The following YPEL1 variants were observed in gnomAD, a reference collection of about 807,000 sequenced individuals.
YPEL1 encodes protein yippee-like 1.
Under a neutral mutation model 17.3 loss-of-function variants are expected in YPEL1, and 7 were observed. The ratio of observed to expected loss-of-function variants is 0.40; its 90% CI spans 0.23 to 0.76. YPEL1 has a LOEUF of 0.76. Ranked by LOEUF, YPEL1 falls within the 30% of genes least tolerant of loss-of-function variation. YPEL1 has a pLI of 0.35. For synonymous variants in YPEL1, 59 were observed against 59.6 expected (o/e 0.99, Z 0.05); for missense variants, 91 against 155.5 (o/e 0.59, Z 2.21).
Position 21,703,784 on chromosome 22 carries a change from T to C in YPEL1, c.161+55A>G. 1 of 1,586,130 alleles carries C rather than the reference T, an allele frequency of 6.3e-7. No individual in the cohort carries two copies. The highest frequency in any genetic ancestry group is 1.8e-5 in the Admixed American group (1 of 57,098). ...TACACAGGGCACTGTGTAGGTGCCA[T>C]CCAGGCCGTCCCAGGGCCCGTGCCG... is the stretch of plus-strand genomic sequence containing the variant. On this transcript the variant is annotated intron_variant, in intron 3 of 4. Transcript: ENST00000339468. This position sits in a 1 kb window ranked among gnomAD's most constrained non-coding sequence, Gnocchi z 6.1.
intron 1 of YPEL1, among the ~76,000 whole-genome samples, chr22:21,728,738 GGTGGCTCACAC>G (rs2068359576): frequency 6.6e-6 from 1 of 152,114 alleles, no homozygotes; most frequent in African/African-American, 2.4e-5. Context: ...GGCCAGGCGT[GGTGGCTCACAC>G]CTGTAATCCC....
intron 1 of YPEL1, among the ~76,000 whole-genome samples, chr22:21,721,656 T>C (rs996558537): frequency 2.0e-5 from 3 of 152,114 alleles, no homozygotes; most frequent in African/African-American, 7.2e-5. Context: ...ACTCCTGACC[T>C]CAAGTGATCC....
In YPEL1 at chr22:21,698,361, A is replaced by G. The variant is rs1188225046; in HGVS notation, c.*2768T>C. 2.0e-5 allele frequency: 3 copies of G among 152,310 alleles called. No individual in the cohort carries two copies. The highest frequency in any genetic ancestry group is 7.2e-5 in the African/African-American group (3 of 41,432). 9.4% of individuals were successfully genotyped at this position (152,310 alleles called of 1,614,324 possible). A position where few individuals can be genotyped will look rare whatever the true frequency, so the allele number is the denominator to read the frequency against. On this transcript the variant is annotated 3_prime_UTR_variant, in exon 5 of 5. Transcript: ENST00000339468. ...TACAAAAACCAAAGTGCCCAAATAG[A>G]AGGAGCAGCGAACTTGCCCAAAACA...
intron 1 of YPEL1, among the ~76,000 whole-genome samples, chr22:21,729,946 G>A (rs1248958697): frequency 6.6e-6 from 1 of 151,834 alleles, no homozygotes; most frequent in Non-Finnish European, 1.5e-5. Context: ...TCTGGAGATC[G>A]AGACCAGCCT....
intron 2 of YPEL1, among the ~76,000 whole-genome samples, chr22:21,708,079 C>T (rs1000640603): frequency 3.3e-5 from 5 of 151,804 alleles, no homozygotes; most frequent in Admixed American, 1.3e-4. Context: ...CCTCTCGCCT[C>T]GCAGGTACTG....
intron 1 of YPEL1, among the ~76,000 whole-genome samples, chr22:21,718,566 A>G (rs971733691): frequency 6.6e-6 from 1 of 152,180 alleles, no homozygotes; most frequent in African/African-American, 2.4e-5. Flanking sequence ...AACAGACCAC[A>G]GGTGGATACA....
intron 1 of YPEL1, among the ~76,000 whole-genome samples, chr22:21,722,410 G>A (rs8139395): frequency 0.14 from 20,350 of 150,662 alleles, 1,709 homozygotes; most frequent in Middle Eastern, 0.2. Context: ...AGTGAGACTC[G>A]TTCTCAAAAA....
In YPEL1 at chr22:21,724,564, A is replaced by T. The variant is rs1026993705; in HGVS notation, c.-165+11051T>A. Among the ~76,000 whole-genome samples, 48 of 124,762 alleles carry T rather than the reference A, an allele frequency of 3.8e-4. No homozygotes were observed. The East Asian group carries it at 8.2e-3, about 21-fold the overall frequency. The allele number at this position is 124,762 out of a possible 152,430, so 81.8% of individuals were successfully genotyped here. A position where few individuals can be genotyped will look rare whatever the true frequency, so the allele number is the denominator to read the frequency against. ...GGGGAAAAAAATAGTTCATTAAAAA[A>T]TTTTTTTCTTTTTTTTTTTTTTTGT... is the stretch of plus-strand genomic sequence containing the variant. On this transcript the variant is annotated intron_variant, in intron 1 of 4. Transcript: ENST00000339468.
rs1291790431 is a variant in YPEL1 at position 21,710,892 on chromosome 22, C to T, written c.-148G>A. The stretch of plus-strand genomic sequence containing the variant: ...TGTGGCACTGTCCACACAGCTGGGA[C>T]GAGAGAAAAACGTAACCTGCCAACC... On this transcript the variant is annotated 5_prime_UTR_variant, in exon 2 of 5. Coordinates refer to ENST00000339468, the MANE Select transcript of YPEL1 (RefSeq NM_013313.5). 31 of 724,344 alleles carry T rather than the reference C, an allele frequency of 4.3e-5. No homozygotes were observed. Among genetic ancestry groups the T allele is most frequent in the Middle Eastern group, 3.9e-4 (1 of 2,550 alleles). 44.9% of individuals were successfully genotyped at this position (724,344 alleles called of 1,614,324 possible). A position where few individuals can be genotyped will look rare whatever the true frequency, so the allele number is the denominator to read the frequency against.
intron 1 of YPEL1, among the ~76,000 whole-genome samples, chr22:21,715,097 C>CAT (rs1487543641): frequency 2.0e-5 from 3 of 152,048 alleles, no homozygotes; most frequent in Non-Finnish European, 4.4e-5. Flanking sequence ...ATGGATATGC[C>CAT]ATATACACAC....
intron 1 of YPEL1, among the ~76,000 whole-genome samples, chr22:21,721,740 T>C (rs961026674): frequency 6.6e-6 from 1 of 152,178 alleles, no homozygotes; most frequent in Non-Finnish European, 1.5e-5. Flanking sequence ...TTTTTTTTCT[T>C]TAATTGCTGT....
At chr22:21,706,134 A>C (rs2068113351) in intron 2 of YPEL1, among the ~76,000 whole-genome samples, 1 of 150,056 alleles carries the variant, frequency 6.7e-6, no homozygotes, top group Non-Finnish European at 1.5e-5. Context: ...CTGCCTCAAA[A>C]AAAATTTTAA....
intron 2 of YPEL1, chr22:21,710,423 A>G (rs1429460669): frequency 5.1e-6 from 3 of 585,114 alleles, no homozygotes; most frequent in East Asian, 5.7e-5. Flanking sequence ...AAAACCGCCC[A>G]CCATGCCAGG....
intron 2 of YPEL1, among the ~76,000 whole-genome samples, chr22:21,709,195 C>T (rs1369182718): frequency 6.6e-6 from 1 of 152,122 alleles, no homozygotes; most frequent in African/African-American, 2.4e-5. Flanking sequence ...AGCTTCACTG[C>T]CCCTACCCAG....
chr22:21,722,737 C>A lies in YPEL1; in HGVS notation c.-164-11829G>T, dbSNP rs571426942. Among the ~76,000 whole-genome samples the A allele has an allele frequency of 1.3e-5, 2 of 152,248 alleles. 1 individual carries two copies. The highest frequency in any genetic ancestry group is 3.9e-4 in the East Asian group (2 of 5,172). ...TTTGGGAGAAAACGCAAGCCCCCACCCCACAGTCCGTAACCTCTGGGGCCA... is the reference window on the plus strand; with the variant it reads ...TTTGGGAGAAAACGCAAGCCCCCACACCACAGTCCGTAACCTCTGGGGCCA... On this transcript the variant is annotated intron_variant, in intron 1 of 4. Transcript: ENST00000339468.
At chr22:21,704,859 G>A (rs558203253) in intron 2 of YPEL1, among the ~76,000 whole-genome samples, 3 of 152,246 alleles carry the variant, frequency 2.0e-5, no homozygotes, top group South Asian at 2.1e-4. Flanking sequence ...CACTCCCCAC[G>A]ACCTTTGCCC....
Position 21,703,794 on chromosome 22 carries a change from C to A in YPEL1, c.161+45G>T. The A allele has an allele frequency of 6.3e-7, 1 of 1,599,954 alleles. No individual in the cohort carries two copies. Among genetic ancestry groups the A allele is most frequent in the Non-Finnish European group, 8.5e-7 (1 of 1,173,084 alleles). On this transcript the variant is annotated intron_variant, in intron 3 of 4. Coordinates refer to ENST00000339468, the MANE Select transcript of YPEL1 (RefSeq NM_013313.5). The surrounding 1 kb of genome is among the most constrained non-coding windows in gnomAD (Gnocchi z 6.1). ...ACTGTGTAGGTGCCATCCAGGCCGT[C>A]CCAGGGCCCGTGCCGCTCCCCCCGG...
chr22:21,719,879 C>T (rs1569063706), intron 1 of YPEL1, among the ~76,000 whole-genome samples: 1 of 151,488 alleles, frequency 6.6e-6, no homozygotes, highest in African/African-American at 2.4e-5. Context: ...ACAAAAATTA[C>T]AGCGCACCTG....
chr22:21,703,717 G>GA lies in YPEL1; in HGVS notation c.161+121dup. The stretch of plus-strand genomic sequence containing the variant: ...GCGTTTCAGAAACTCCCGGCGGGGG[G>GA]ATGGTGGGTTCTTTCAGGACCCCTA... On this transcript the variant is annotated intron_variant, in intron 3 of 4. Transcript: ENST00000339468. The surrounding 1 kb of genome is among the most constrained non-coding windows in gnomAD (Gnocchi z 6.1). The GA allele has an allele frequency of 8.8e-7, 1 of 1,136,306 alleles. No homozygotes were observed. Among genetic ancestry groups the GA allele is most frequent in the Non-Finnish European group, 1.2e-6 (1 of 800,352 alleles). The allele number at this position is 1,136,306 out of a possible 1,614,324, so 70.4% of individuals were successfully genotyped here.
Sources: allele counts gnomAD v4.1 joint callset (sites outside exome capture counted in the v4.1 genomes callset), GRCh38; gene constraint gnomAD v4.1.1; non-coding constraint Gnocchi (gnomAD v3.1); transcripts MANE v1.5; gene names NCBI Gene and HGNC (gene_info 2026-07-23, HGNC 2026-07-21).